SFSWAP: variants seen among roughly 807,000 people sequenced by gnomAD.
The protein encoded by SFSWAP is splicing factor, suppressor of white-apricot homolog.
Under a neutral mutation model 100.7 loss-of-function variants are expected in SFSWAP, and 17 were observed. The ratio of observed to expected loss-of-function variants is 0.17; its 90% CI spans 0.12 to 0.25. SFSWAP has a LOEUF of 0.25. Ranked by LOEUF, SFSWAP falls within the 10% of genes least tolerant of loss-of-function variation. The pLI is 1.00. For synonymous variants in SFSWAP, 504 were observed against 510.1 expected (o/e 0.99, Z 0.16); for missense variants, 1,005 against 1,262.6 (o/e 0.80, Z 3.09).
chr12:131,787,450 G>A (rs900393125), intron 15 of SFSWAP, among the ~76,000 whole-genome samples: 1 of 152,074 alleles, frequency 6.6e-6, no homozygotes, highest in African/African-American at 2.4e-5. Context: ...GGGCAGCCGT[G>A]CATTTCCACT....
rs1364360333 is a variant in SFSWAP, at chr12:131,730,361, C to T, written c.1081+1933C>T. ...AAATGCATTGTCCGTGCACGTCCAC[C>T]AGATCCCTGAAGCTGCTGCAAAGCA... On this transcript the variant is annotated intron_variant, in intron 7 of 17. Coordinates refer to ENST00000261674, the MANE Select transcript of SFSWAP (RefSeq NM_004592.4). The surrounding 1 kb of genome is among the most constrained non-coding windows in gnomAD (Gnocchi z 4.0). Among the ~76,000 whole-genome samples, 3 of 152,238 alleles carry T rather than the reference C, an allele frequency of 2.0e-5. No homozygotes were observed. The highest frequency in any genetic ancestry group is 2.0e-4 in the Admixed American group (3 of 15,280).
At chr12:131,718,695 A>G (rs541722230) in intron 3 of SFSWAP, among the ~76,000 whole-genome samples, 1 of 152,358 alleles carries the variant, frequency 6.6e-6, no homozygotes, top group Non-Finnish European at 1.5e-5. Context: ...TACCTTATGT[A>G]GTGTCATGCT....
intron 7 of SFSWAP, among the ~76,000 whole-genome samples, chr12:131,742,134 C>T (rs1359800619): frequency 1.3e-5 from 2 of 152,184 alleles, no homozygotes; most frequent in South Asian, 2.1e-4. Flanking sequence ...CAGGGAGAGA[C>T]GTTCTTGAGT....
chr12:131,771,352 G>A (rs773434443), intron 13 of SFSWAP, among the ~76,000 whole-genome samples: 6 of 152,136 alleles, frequency 3.9e-5, no homozygotes, highest in Non-Finnish European at 7.4e-5. Flanking sequence ...TGTGAGCTGT[G>A]GGTCTGTCTT....
At chr12:131,793,520 G>A (rs2136280103) in intron 15 of SFSWAP, among the ~76,000 whole-genome samples, 1 of 152,208 alleles carries the variant, frequency 6.6e-6, no homozygotes, top group African/African-American at 2.4e-5. Flanking sequence ...TAAGCTTTTT[G>A]AAGAAAACAC....
chr12:131,779,316 T>TGAGCGTGTGTGAAGAG (rs1566051767), intron 14 of SFSWAP, among the ~76,000 whole-genome samples: 6 of 151,136 alleles, frequency 4.0e-5, no homozygotes, highest in Admixed American at 6.6e-5. Context: ...GCGGCGCTGG[T>TGAGCGTGTGTGAAGAG]GCAGAATGTT....
intron 15 of SFSWAP, among the ~76,000 whole-genome samples, chr12:131,793,530 C>T (rs886885777): frequency 1.3e-5 from 2 of 152,060 alleles, no homozygotes; most frequent in African/African-American, 2.4e-5. Context: ...GAAGAAAACA[C>T]AGAATATGTT....
chr12:131,713,588 C>A (rs1310945243), intron 1 of SFSWAP: 1 of 152,366 alleles, frequency 6.6e-6, no homozygotes, highest in African/African-American at 2.4e-5. Flanking sequence ...GTGAAGATCT[C>A]TCCTGAGAGT....
chr12:131,738,885 C>CTTTTTTTTTTTCTTTTTTTTTTT (rs1880307482), intron 7 of SFSWAP, among the ~76,000 whole-genome samples: 1 of 48,718 alleles, frequency 2.1e-5, no homozygotes, highest in Non-Finnish European at 4.1e-5. Flanking sequence ...GAACATTATT[C>CTTTTTTTTTTTCTTTTTTTTTTT]TTTTTTTTTT....
rs115851100 is a variant in SFSWAP at position 131,756,820 on chromosome 12, G to A, written c.1720+176G>A. 1.8e-3 allele frequency: 1,046 copies of A among 597,150 alleles called. 10 individuals are homozygous for A. The highest frequency in any genetic ancestry group is 0.017 in the African/African-American group (922 of 53,850). 37.0% of individuals were successfully genotyped at this position (597,150 alleles called of 1,614,324 possible). ...CCATGCTGTGTCATGCTTGCCTCGCGTGGCATTGGAGGTAACGTGAGTGTG... is the reference window on the plus strand; with the variant it reads ...CCATGCTGTGTCATGCTTGCCTCGCATGGCATTGGAGGTAACGTGAGTGTG... On this transcript the variant is annotated intron_variant, in intron 11 of 17. Transcript: ENST00000261674.
At chr12:131,798,109 G>A (rs1566066733) in intron 16 of SFSWAP, among the ~76,000 whole-genome samples, 1 of 152,162 alleles carries the variant, frequency 6.6e-6, no homozygotes, top group Non-Finnish European at 1.5e-5. Flanking sequence ...GGGAGGCCAG[G>A]GCAGGAATTT....
chr12:131,791,694 G>A (rs1885238793), intron 15 of SFSWAP, among the ~76,000 whole-genome samples: 1 of 152,232 alleles, frequency 6.6e-6, no homozygotes, highest in African/African-American at 2.4e-5. Flanking sequence ...GGAGGTTGCA[G>A]TGAGCCAAGA....
Position 131,778,371 on chromosome 12 carries a change from C to G in SFSWAP, c.2408+41C>G, listed in dbSNP as rs778452411. 15 of 1,588,218 alleles carry G rather than the reference C, an allele frequency of 9.4e-6. No homozygotes were observed. Among genetic ancestry groups the G allele is most frequent in the African/African-American group, 8.2e-5 (6 of 73,264 alleles). On this transcript the variant is annotated intron_variant, in intron 14 of 17. Coordinates refer to ENST00000261674, the MANE Select transcript of SFSWAP (RefSeq NM_004592.4). The surrounding 1 kb of genome is among the most constrained non-coding windows in gnomAD (Gnocchi z 4.2). ...GCAGCACCTCTGGTACCCTCATGAC[C>G]CCCATGTCCTTCACAGGACACCCAG...
intron 17 of SFSWAP, 45 bp downstream of exon 17, chr12:131,799,154 G>A (rs1482962414): frequency 2.0e-6 from 3 of 1,470,464 alleles, no homozygotes; most frequent in Non-Finnish European, 1.9e-6. Context: ...TTCATCAAGG[G>A]GCCTCGTGGT....
At chr12:131,750,537 T>C (rs1881528703) in intron 7 of SFSWAP, among the ~76,000 whole-genome samples, 1 of 152,190 alleles carries the variant, frequency 6.6e-6, no homozygotes, top group South Asian at 2.1e-4. Context: ...GAGAATCTCC[T>C]GGGTCTGGGT....
chr12:131,770,031 G>A (rs1427134981), intron 13 of SFSWAP, among the ~76,000 whole-genome samples: 1 of 152,212 alleles, frequency 6.6e-6, no homozygotes, highest in Non-Finnish European at 1.5e-5. Context: ...TGTAATGGTT[G>A]TAGCAGATGA....
chr12:131,776,398 G>A (rs1251170602), intron 13 of SFSWAP, among the ~76,000 whole-genome samples: 1 of 152,166 alleles, frequency 6.6e-6, no homozygotes, highest in Non-Finnish European at 1.5e-5. Context: ...CTGAACAGAG[G>A]GCTGAGAAAT....
chr12:131,799,536 C>A lies in SFSWAP; in HGVS notation c.*48C>A. ...CCGGGAGGCTGCGTGGGCTTCTGGGCAGGCTCACGCAGACGCCGGCCACAC... is the reference window on the plus strand; with the variant it reads ...CCGGGAGGCTGCGTGGGCTTCTGGGAAGGCTCACGCAGACGCCGGCCACAC... On this transcript the variant is annotated 3_prime_UTR_variant, in exon 18 of 18. Transcript: ENST00000261674. 2.6e-6 allele frequency: 4 copies of A among 1,535,530 alleles called. No homozygotes were observed. Among genetic ancestry groups the A allele is most frequent in the Non-Finnish European group, 3.6e-6 (4 of 1,115,620 alleles).
chr12:131,786,359 G>A, intron 14 of SFSWAP, 104 bp from the exon 15 acceptor site: 1 of 1,399,144 alleles, frequency 7.1e-7, no homozygotes, highest in Non-Finnish European at 9.5e-7. Context: ...ACCCTGAGGA[G>A]CAGCCTCTGC....
Sources: gnomAD v4.1 joint callset for allele counts (sites outside exome capture counted in the v4.1 genomes callset) on GRCh38, gnomAD v4.1.1 for gene constraint, Gnocchi (gnomAD v3.1) non-coding constraint, MANE v1.5 for transcripts, NCBI Gene and HGNC (gene_info 2026-07-23, HGNC 2026-07-21) for gene names.